ABCG8: variants seen among roughly 807,000 people sequenced by gnomAD.
ABCG8 encodes the protein ATP binding cassette subfamily G member 8.
A neutral mutation model predicts 71.3 loss-of-function variants in ABCG8; 81 were observed. The observed-to-expected ratio is 1.14, with a 90% confidence interval of 0.95 to 1.37. The LOEUF (loss-of-function observed/expected upper bound fraction) is 1.37. ABCG8 is among the 40% of genes most tolerant of loss of function. The probability of loss-of-function intolerance (pLI) is 0.00; values close to 1 mark genes in which losing one functional copy is unlikely to be tolerated. For missense variants in ABCG8, 1,119 were observed against 866.2 expected, an observed-to-expected ratio of 1.29 and a Z score of -3.66; for synonymous variants, 451 against 354.7, an observed-to-expected ratio of 1.27 and a Z score of -3.05.
In ABCG8 at chr2:43,873,922, C is replaced by T. The variant is rs191130067; in HGVS notation, c.1347C>T (p.Ala449=). The change falls in exon 9 of 13, where the codon GCC becomes GCT. Residue 449 remains alanine (A), a synonymous_variant. Transcript: ENST00000272286. ...TCCAGCTCTCCTTCATGGATACAGC[C>T]GCCCTCTTGTTCATGATCGGTGCTC... ...GSIQLSFMDT[A]ALLFMIGALI... 80 of 1,614,104 alleles carry T rather than the reference C, an allele frequency of 5.0e-5. No homozygotes were observed. Among genetic ancestry groups the T allele is most frequent in the African/African-American group, 1.5e-4 (11 of 75,008 alleles).
intron 6 of ABCG8, among the ~76,000 whole-genome samples, chr2:43,854,410 A>C (rs1019533920): frequency 6.6e-6 from 1 of 152,102 alleles, no homozygotes; most frequent in Admixed American, 6.5e-5. Flanking sequence ...GGCAGATCAC[A>C]TGAGGTCAGG....
chr2:43,851,040 AT>A (rs34343784), intron 3 of ABCG8, among the ~76,000 whole-genome samples: 14 of 152,050 alleles, frequency 9.2e-5, no homozygotes, highest in African/African-American at 3.1e-4. Flanking sequence ...TTATTTCTCT[AT>A]TTTTTTCTCC....
In ABCG8 at chr2:43,867,482, G is replaced by T. The variant is rs1353353052; in HGVS notation, c.965-4494G>T. Among the ~76,000 whole-genome samples, 3 of 151,946 alleles carry T rather than the reference G, an allele frequency of 2.0e-5. No individual in the cohort carries two copies. In the East Asian group the frequency reaches 5.8e-4, roughly 29 times the overall value. On this transcript the variant is annotated intron_variant, in intron 6 of 12. Transcript: ENST00000272286. The stretch of plus-strand genomic sequence containing the variant: ...GGATAGAACTCTCACTATCTAGATA[G>T]AATTCTCACCCTCTGGATAGAACTG...
Position 43,881,697 on chromosome 2 carries a change from T to C in ABCG8, c.*3784T>C, listed in dbSNP as rs7576555. 1 of 144,524 alleles carries C rather than the reference T, an allele frequency of 6.9e-6. No homozygotes were observed. Among genetic ancestry groups the C allele is most frequent in the Non-Finnish European group, 1.5e-5 (1 of 66,696 alleles). The allele number at this position is 144,524 out of a possible 1,614,324, so 9.0% of individuals were successfully genotyped here. A position where few individuals can be genotyped will look rare whatever the true frequency, so the allele number is the denominator to read the frequency against. On this transcript the variant is annotated 3_prime_UTR_variant, in exon 13 of 13. Coordinates refer to ENST00000272286, the MANE Select transcript of ABCG8 (RefSeq NM_022437.3). ...GCACTCCAGCCTGGTGACAGAGCGATACTCTGTCTCAAAAAAAAAAAAAAA... is the reference window on the plus strand; with the variant it reads ...GCACTCCAGCCTGGTGACAGAGCGACACTCTGTCTCAAAAAAAAAAAAAAA...
At chr2:43,865,128 C>G (rs562321458) in intron 6 of ABCG8, among the ~76,000 whole-genome samples, 2 of 151,130 alleles carry the variant, frequency 1.3e-5, no homozygotes, top group African/African-American at 4.9e-5. Flanking sequence ...GGATAGAATT[C>G]TCAGCATCTG....
intron 2 of ABCG8, 87 bp from the exon 3 acceptor site, chr2:43,846,068 C>A: frequency 4.7e-6 from 7 of 1,474,236 alleles, no homozygotes; most frequent in Non-Finnish European, 6.6e-6. Context: ...AGAGGGGCCA[C>A]CTGGGGAACG....
At chr2:43,849,459 C>T (rs1558804714) in intron 3 of ABCG8, among the ~76,000 whole-genome samples, 1 of 152,178 alleles carries the variant, frequency 6.6e-6, no homozygotes, top group Non-Finnish European at 1.5e-5. Context: ...ATCATGAGAA[C>T]AGCATAGAGG....
intron 6 of ABCG8, among the ~76,000 whole-genome samples, chr2:43,856,639 T>A (rs1044093698): frequency 2.6e-5 from 4 of 151,636 alleles, no homozygotes; most frequent in Non-Finnish European, 5.9e-5. Flanking sequence ...CCGGATAGAA[T>A]TCTCACTCTC....
intron 2 of ABCG8, among the ~76,000 whole-genome samples, chr2:43,845,544 T>C (rs1228558333): frequency 1.3e-5 from 2 of 152,216 alleles, no homozygotes; most frequent in Non-Finnish European, 2.9e-5. Context: ...TATTAGTAAA[T>C]TACTAGTATC....
intron 6 of ABCG8, among the ~76,000 whole-genome samples, chr2:43,861,480 A>G (rs941552824): frequency 3.3e-5 from 5 of 150,782 alleles, no homozygotes; most frequent in Admixed American, 3.3e-4. Flanking sequence ...AACTCTCACT[A>G]TCTATCTGGA....
rs1670061533 is a variant in ABCG8, at chr2:43,879,456, G to C, written c.*1543G>C. 1 of 152,220 alleles carries C rather than the reference G, an allele frequency of 6.6e-6. No homozygotes were observed. Among genetic ancestry groups the C allele is most frequent in the Non-Finnish European group, 1.5e-5 (1 of 68,060 alleles). The allele number at this position is 152,220 out of a possible 1,614,324, so 9.4% of individuals were successfully genotyped here. ...GCCTCAGGCCCCACCCAGGCTCAAT[G>C]AGTCAGAGTCTGCGTCTTAAGAAGA... On this transcript the variant is annotated 3_prime_UTR_variant, in exon 13 of 13. Transcript: ENST00000272286.
intron 1 of ABCG8, 150 bp from the exon 2 acceptor site, chr2:43,844,357 G>T (rs1668672193): frequency 2.9e-6 from 2 of 678,978 alleles, no homozygotes; most frequent in Non-Finnish European, 5.3e-6. Flanking sequence ...AAGCCCTGAG[G>T]TTCCACCTGT....
intron 3 of ABCG8, chr2:43,846,589 C>A: frequency 2.2e-6 from 1 of 448,688 alleles, no homozygotes; most frequent in South Asian, 2.1e-5. Flanking sequence ...AACACCTGGA[C>A]GGAGAGATCA....
intron 3 of ABCG8, chr2:43,847,315 A>C (rs1668774804): frequency 6.6e-6 from 1 of 152,170 alleles, no homozygotes; most frequent in Admixed American, 6.5e-5. Context: ...ATCAAATGAA[A>C]TCTTATGTAT....
intron 1 of ABCG8, among the ~76,000 whole-genome samples, chr2:43,839,497 G>T (rs973669695): frequency 7.9e-6 from 1 of 127,154 alleles, no homozygotes; most frequent in Non-Finnish European, 1.6e-5. Flanking sequence ...CGTGATCTCG[G>T]CTCACTGCAA....
At chr2:43,867,842 A>G (rs1669587162) in intron 6 of ABCG8, among the ~76,000 whole-genome samples, 1 of 151,538 alleles carries the variant, frequency 6.6e-6, no homozygotes, top group East Asian at 2.0e-4. Context: ...TAGAATTCTC[A>G]CTATCTTTCT....
At chr2:43,869,902 G>T (rs570168221) in intron 6 of ABCG8, among the ~76,000 whole-genome samples, 1 of 148,434 alleles carries the variant, frequency 6.7e-6, no homozygotes, top group Non-Finnish European at 1.5e-5. Flanking sequence ...TAGAACTCTC[G>T]CTATCTGGAT....
rs574659773 is a variant in ABCG8, at chr2:43,839,116, G to A, written c.63G>A (p.Ser21=). The change falls in exon 1 of 13, where the codon TCG becomes TCA. Residue 21 remains serine, a splice_region_variant and synonymous_variant. Transcript: ENST00000272286. Reference sequence around the variant, plus strand: ...AAGGGGCCACTCCCCAGGATACCTCGGTGAGTGAGCAATGGGAAGTCGGCC... The same window carrying A: ...AAGGGGCCACTCCCCAGGATACCTCAGTGAGTGAGCAATGGGAAGTCGGCC... The part of the protein sequence containing the change: ...LPKGATPQDT[S]GLQDRLFSSE... 1.9e-5 allele frequency: 29 copies of A among 1,551,178 alleles called. No individual in the cohort carries two copies. The South Asian group carries it at 2.9e-4, about 15-fold the overall frequency.
chr2:43,848,239 C>T (rs1404434306), intron 3 of ABCG8: 2 of 152,214 alleles, frequency 1.3e-5, no homozygotes, highest in Admixed American at 1.3e-4. Flanking sequence ...AGGACCAGTT[C>T]AGAGGCTCCC....
Sources: allele counts gnomAD v4.1 joint callset (sites outside exome capture counted in the v4.1 genomes callset), GRCh38; gene constraint gnomAD v4.1.1; transcripts MANE v1.5; gene names NCBI Gene and HGNC (gene_info 2026-07-23, HGNC 2026-07-21).